The following LINGO2 variants were observed in gnomAD, a reference collection of about 807,000 sequenced individuals.
The protein encoded by LINGO2 is leucine rich repeat and Ig domain containing 2.
In LINGO2, 14 loss-of-function variants were observed where a neutral mutation model predicts 30.6. The observed-to-expected ratio is 0.46, with a 90% confidence interval of 0.30 to 0.72. The LOEUF (loss-of-function observed/expected upper bound fraction) is 0.72, where lower values mean the gene tolerates loss of function less well. Among genes scored for constraint, LINGO2 ranks in the 30% least tolerant of loss-of-function variants. LINGO2 has a pLI of 0.07. For missense variants in LINGO2, 729 were observed against 751.7 expected, an observed-to-expected ratio of 0.97 and a Z score of 0.35; for synonymous variants, 317 against 288.5, an observed-to-expected ratio of 1.10 and a Z score of -1.00.
intron 4 of LINGO2, among the ~76,000 whole-genome samples, chr9:28,169,277 T>C (rs1028690360): frequency 1.6e-4 from 24 of 152,278 alleles, no homozygotes; most frequent in African/African-American, 5.5e-4. Context: ...ACTGACTTTG[T>C]TTTTTGCTAA....
chr9:28,176,530 A>T (rs945435641), intron 4 of LINGO2, among the ~76,000 whole-genome samples: 2 of 152,210 alleles, frequency 1.3e-5, no homozygotes, highest in African/African-American at 4.8e-5. Context: ...CAAGTAGATT[A>T]TGCTCAATAA....
At chr9:28,942,410 C>A in the LINGO2 span, among the ~76,000 whole-genome samples, 1 of 152,072 alleles carries the variant, frequency 6.6e-6, no homozygotes, top group Non-Finnish European at 1.5e-5. Context: ...ATGTAAATGG[C>A]ATTCAATTAT....
chr9:28,706,062 C>G, the LINGO2 span, among the ~76,000 whole-genome samples: 9 of 151,912 alleles, frequency 5.9e-5, no homozygotes, highest in African/African-American at 2.2e-4. Context: ...AAACTGAGGG[C>G]ACAAATCTTC....
At chr9:29,072,553 T>C in the LINGO2 span, among the ~76,000 whole-genome samples, 27,316 of 147,496 alleles carry the variant, frequency 0.19, 2,707 homozygotes, top group African/African-American at 0.23. Flanking sequence ...AAGGATAATA[T>C]ACACAAATAT....
At chr9:28,739,606 A>G in the LINGO2 span, among the ~76,000 whole-genome samples, 5 of 151,898 alleles carry the variant, frequency 3.3e-5, no homozygotes, top group Non-Finnish European at 5.9e-5. Context: ...TACTATAGAG[A>G]TTTTTAAATA....
At chr9:28,748,115 T>C in the LINGO2 span, among the ~76,000 whole-genome samples, 1 of 151,940 alleles carries the variant, frequency 6.6e-6, no homozygotes, top group Non-Finnish European at 1.5e-5. Flanking sequence ...TTCTTTCCAC[T>C]GGAGCTCTTT....
intron 1 of LINGO2, among the ~76,000 whole-genome samples, chr9:28,569,784 A>G (rs990271162): frequency 2.0e-5 from 3 of 152,014 alleles, no homozygotes; most frequent in Non-Finnish European, 4.4e-5. Flanking sequence ...TACTATCTGA[A>G]GTATTCTCAC....
At chr9:29,042,091 G>C in the LINGO2 span, among the ~76,000 whole-genome samples, 1 of 151,824 alleles carries the variant, frequency 6.6e-6, no homozygotes, top group Non-Finnish European at 1.5e-5. Flanking sequence ...AAATCACAAT[G>C]AAATATTGCT....
chr9:28,611,493 C>T (rs1055591229), intron 1 of LINGO2, among the ~76,000 whole-genome samples: 2 of 152,074 alleles, frequency 1.3e-5, no homozygotes, highest in African/African-American at 4.8e-5. Flanking sequence ...ACTTACTCAT[C>T]CTGCCTAACT....
rs373712820 is a variant in LINGO2, at chr9:28,208,967, T to C, written c.-87+86241A>G. ...AACTCTCTTCTTTGTCCTTTCTGGG[T>C]TTGTTCTTGTACAACCAATTTAATG... On this transcript the variant is annotated intron_variant, in intron 4 of 5. Transcript: ENST00000379992. Among the ~76,000 whole-genome samples, 24 of 152,150 alleles carry C rather than the reference T, an allele frequency of 1.6e-4. No individual in the cohort carries two copies. The East Asian group carries it at 4.4e-3, about 28-fold the overall frequency.
At chr9:29,152,695 C>T in the LINGO2 span, among the ~76,000 whole-genome samples, 709 of 152,256 alleles carry the variant, frequency 4.7e-3, 4 homozygotes, top group African/African-American at 0.016. Flanking sequence ...GCATACTATG[C>T]TCACTACCTG....
chr9:28,555,807 GTGGGCTTCATCCC>G (rs2135525668), intron 1 of LINGO2, among the ~76,000 whole-genome samples: 1 of 152,112 alleles, frequency 6.6e-6, no homozygotes, highest in African/African-American at 2.4e-5. Context: ...CCATGATCAA[GTGGGCTTCATCCC>G]TGGGATGCAA....
the LINGO2 span, among the ~76,000 whole-genome samples, chr9:29,054,359 T>C: frequency 6.6e-6 from 1 of 152,202 alleles, no homozygotes; most frequent in Non-Finnish European, 1.5e-5. Flanking sequence ...CTGTCTTAAG[T>C]GAATAATGGT....
chr9:28,448,908 G>C (rs1026345782), intron 2 of LINGO2, among the ~76,000 whole-genome samples: 7 of 152,078 alleles, frequency 4.6e-5, no homozygotes, highest in Middle Eastern at 3.4e-3. Context: ...GATATATCAA[G>C]GGAACAAAGA....
chr9:28,997,427 T>C, the LINGO2 span, among the ~76,000 whole-genome samples: 1 of 152,234 alleles, frequency 6.6e-6, no homozygotes. Context: ...GAATATTCTA[T>C]GGCTATTAGA....
intron 5 of LINGO2, among the ~76,000 whole-genome samples, chr9:28,010,418 T>C (rs1400951674): frequency 6.6e-6 from 1 of 152,178 alleles, no homozygotes; most frequent in Non-Finnish European, 1.5e-5. Flanking sequence ...TCCTCACCCA[T>C]ATGATACCAC....
the LINGO2 span, among the ~76,000 whole-genome samples, chr9:29,035,363 T>A: frequency 2.0e-5 from 3 of 151,930 alleles, no homozygotes; most frequent in Non-Finnish European, 4.4e-5. Context: ...TTTCATTTAG[T>A]TTGACAATAT....
the LINGO2 span, among the ~76,000 whole-genome samples, chr9:28,875,899 A>G: frequency 6.6e-6 from 1 of 152,060 alleles, no homozygotes; most frequent in Admixed American, 6.6e-5. Context: ...TTTTCATTTC[A>G]TTTTGCATTT....
At chr9:28,000,617 A>C (rs1257200202) in intron 5 of LINGO2, among the ~76,000 whole-genome samples, 2 of 152,218 alleles carry the variant, frequency 1.3e-5, no homozygotes, top group African/African-American at 4.8e-5. Context: ...TCAATCAGAC[A>C]AACATTTATT....
Sources: allele counts gnomAD v4.1 joint callset (sites outside exome capture counted in the v4.1 genomes callset), GRCh38; gene constraint gnomAD v4.1.1; transcripts MANE v1.5; gene names NCBI Gene and HGNC (gene_info 2026-07-23, HGNC 2026-07-21).